Variants in RUNX1 observed in about 807,000 individuals in gnomAD.
RUNX1 encodes runt-related transcription factor 1.
A neutral mutation model predicts 42.8 loss-of-function variants in RUNX1; 19 were observed. That is an observed-to-expected ratio of 0.44 (90% confidence interval 0.31 to 0.65). RUNX1 has a LOEUF of 0.65. Ranked by LOEUF, RUNX1 falls within the 30% of genes least tolerant of loss-of-function variation. RUNX1 has a pLI of 0.07. For missense variants in RUNX1, 528 were observed against 672.0 expected, an observed-to-expected ratio of 0.79 and a Z score of 2.37; for synonymous variants, 271 against 289.4, an observed-to-expected ratio of 0.94 and a Z score of 0.64.
Position 34,890,694 on chromosome 21 carries a change from G to A in RUNX1, c.97+2231C>T, listed in dbSNP as rs144417630. ...ACTTACTACATTTTTCTTTTAAAAT[G>A]ATTTTTTTAAGCCTAATTCCAGTTG... On this transcript the variant is annotated intron_variant, in intron 3 of 8. Transcript: ENST00000675419. Among the ~76,000 whole-genome samples the A allele has an allele frequency of 7.7e-4, 118 of 152,278 alleles. 2 individuals carry two copies. Among genetic ancestry groups the A allele is most frequent in the African/African-American group, 2.7e-3 (112 of 41,576 alleles).
At chr21:34,873,195 G>C (rs1451542222) in intron 5 of RUNX1, among the ~76,000 whole-genome samples, 2 of 152,200 alleles carry the variant, frequency 1.3e-5, no homozygotes, top group African/African-American at 4.8e-5. Flanking sequence ...GAGCAAACTG[G>C]AGTGTTTCCA....
chr21:34,849,372 A>AGTATATATAATATATT, intron 6 of RUNX1, among the ~76,000 whole-genome samples: 1 of 41,544 alleles, frequency 2.4e-5, no homozygotes, highest in African/African-American at 8.9e-5. Flanking sequence ...TATTATATAT[A>AGTATATATAATATATT]CTATATACAT....
chr21:34,833,862 A>T, intron 7 of RUNX1: 1 of 233,970 alleles, frequency 4.3e-6, no homozygotes, highest in Non-Finnish European at 8.8e-6. Context: ...GGCTGGGGGG[A>T]CCTGCATTCT....
intron 2 of RUNX1, among the ~76,000 whole-genome samples, chr21:34,952,584 T>C (rs2058616747): frequency 1.3e-5 from 2 of 152,164 alleles, no homozygotes; most frequent in African/African-American, 4.8e-5. Context: ...TTGCAATAGC[T>C]TTATGATTCT....
chr21:34,849,481 T>TTATA (rs558628264), intron 6 of RUNX1, among the ~76,000 whole-genome samples: 1 of 97,432 alleles, frequency 1.0e-5, no homozygotes, highest in African/African-American at 4.0e-5. Flanking sequence ...ATAATATATA[T>TTATA]TATATATATA....
intron 7 of RUNX1, chr21:34,829,932 T>A (rs1270066518): frequency 6.6e-6 from 1 of 152,206 alleles, no homozygotes; most frequent in Non-Finnish European, 1.5e-5. Context: ...ATCCAGATGA[T>A]AAAGAGAGAA....
rs1169541558 is a variant in RUNX1 at position 34,827,443 on chromosome 21, AAG to A, written c.805+6965_805+6966del. Among the ~76,000 whole-genome samples, 7 of 152,222 alleles carry A rather than the reference AAG, an allele frequency of 4.6e-5. 1 individual carries two copies. Among genetic ancestry groups the A allele is most frequent in the African/African-American group, 7.2e-5 (3 of 41,462 alleles). On this transcript the variant is annotated intron_variant, in intron 7 of 8. Coordinates refer to ENST00000675419, the MANE Select transcript of RUNX1 (RefSeq NM_001754.5). ...GAAAGTGTATTTGGAAGAGAGTACT[AAG>A]GGTGTGGCCAAGCAACCATTTGCCA...
At chr21:34,978,297 CT>C (rs2058818982) in intron 2 of RUNX1, among the ~76,000 whole-genome samples, 1 of 152,186 alleles carries the variant, frequency 6.6e-6, no homozygotes, top group African/African-American at 2.4e-5. Context: ...TGATGACTTA[CT>C]TTCTATTGAT....
intron 2 of RUNX1, among the ~76,000 whole-genome samples, chr21:35,001,676 C>T (rs2059045416): frequency 6.6e-6 from 1 of 152,124 alleles, no homozygotes; most frequent in Non-Finnish European, 1.5e-5. Context: ...ATATAAAAGA[C>T]ACCCAAATTG....
intron 4 of RUNX1, among the ~76,000 whole-genome samples, chr21:34,885,801 G>C (rs73373712): frequency 6.6e-6 from 1 of 151,832 alleles, no homozygotes; most frequent in Non-Finnish European, 1.5e-5. Context: ...GCCTTGATTC[G>C]CCCTTTAAAC....
At chr21:34,816,139 G>A (rs2056822574) in intron 7 of RUNX1, among the ~76,000 whole-genome samples, 1 of 152,190 alleles carries the variant, frequency 6.6e-6, no homozygotes, top group African/African-American at 2.4e-5. Context: ...TGCTATGTAA[G>A]GAAAGAAATT....
intron 4 of RUNX1, among the ~76,000 whole-genome samples, chr21:34,885,706 G>T (rs1199763049): frequency 6.6e-6 from 1 of 152,138 alleles, no homozygotes; most frequent in Non-Finnish European, 1.5e-5. Context: ...ACTATAAAAA[G>T]CTTATATTAA....
At chr21:34,998,478 A>G (rs1018537026) in intron 2 of RUNX1, among the ~76,000 whole-genome samples, 66 of 152,146 alleles carry the variant, frequency 4.3e-4, no homozygotes, top group Middle Eastern at 3.4e-3. Flanking sequence ...TCAACTCCAC[A>G]GAGTGCAGAG....
At chr21:34,879,296 C>T (rs967997204) in intron 5 of RUNX1, among the ~76,000 whole-genome samples, 2 of 152,176 alleles carry the variant, frequency 1.3e-5, no homozygotes, top group African/African-American at 4.8e-5. Context: ...ATTTTCTTTG[C>T]ATTACCCTAT....
chr21:34,930,719 T>TCACACACA (rs67114485), intron 2 of RUNX1, among the ~76,000 whole-genome samples: 1 of 140,510 alleles, frequency 7.1e-6, no homozygotes, highest in Non-Finnish European at 1.6e-5. Flanking sequence ...TCTCTCTCTC[T>TCACACACA]CACACACACA....
At chr21:34,889,405 C>G (rs947278714) in intron 3 of RUNX1, among the ~76,000 whole-genome samples, 1 of 152,162 alleles carries the variant, frequency 6.6e-6, no homozygotes, top group East Asian at 1.9e-4. Flanking sequence ...CCGCTGCGCC[C>G]GGGCCGCGGC....
intron 2 of RUNX1, chr21:35,038,342 G>A (rs2059325552): frequency 6.0e-6 from 2 of 335,256 alleles, no homozygotes; most frequent in South Asian, 4.6e-5. Context: ...AGAAGCCCCT[G>A]GTGATAAAGA....
chr21:34,813,504 G>T (rs537630087), intron 7 of RUNX1, among the ~76,000 whole-genome samples: 1 of 152,054 alleles, frequency 6.6e-6, no homozygotes, highest in Non-Finnish European at 1.5e-5. Context: ...CTGGGTGGCT[G>T]CAGTCATGAT....
chr21:34,829,139 C>A (rs2057029840), intron 7 of RUNX1, among the ~76,000 whole-genome samples: 1 of 152,166 alleles, frequency 6.6e-6, no homozygotes, highest in Non-Finnish European at 1.5e-5. Flanking sequence ...AGGTAGTCTG[C>A]CTGTTGAGCC....
Sources: allele counts gnomAD v4.1 joint callset (sites outside exome capture counted in the v4.1 genomes callset), GRCh38; gene constraint gnomAD v4.1.1; transcripts MANE v1.5; gene names NCBI Gene and HGNC (gene_info 2026-07-23, HGNC 2026-07-21).